The following PCGF5 variants were observed in gnomAD, a reference collection of about 807,000 sequenced individuals.
The protein encoded by PCGF5 is polycomb group RING finger protein 5.
In PCGF5, 9 loss-of-function variants were observed where a neutral mutation model predicts 44.3. That is an observed-to-expected ratio of 0.20 (90% CI 0.12 to 0.35). PCGF5 has a LOEUF of 0.35. Among genes scored for constraint, PCGF5 ranks in the 10% least tolerant of loss-of-function variants. The pLI, the probability that PCGF5 is intolerant of heterozygous loss-of-function variation, is 1.00. For missense variants in PCGF5, 146 were observed against 305.3 expected (o/e 0.48, Z 3.89); for synonymous variants, 95 against 102.5 (o/e 0.93, Z 0.44).
chr10:91,260,755 A>G (rs1364042580), intron 6 of PCGF5, among the ~76,000 whole-genome samples: 1 of 147,804 alleles, frequency 6.8e-6, no homozygotes, highest in Non-Finnish European at 1.5e-5. Flanking sequence ...GTGGGAATTG[A>G]ACAATGAGAA....
At chr10:91,188,410 A>G (rs752069926) in intron 1 of PCGF5, among the ~76,000 whole-genome samples, 2 of 152,218 alleles carry the variant, frequency 1.3e-5, no homozygotes, top group Non-Finnish European at 2.9e-5. Flanking sequence ...TTATTATTAC[A>G]ATGAAGACCC....
At chr10:91,264,552 A>G (rs1201097355) in intron 8 of PCGF5, 32 bp downstream of exon 8, 1 of 1,442,614 alleles carries the variant, frequency 6.9e-7, no homozygotes. Flanking sequence ...CTATGTGTTT[A>G]TTTAGTTATA....
At chr10:91,239,220 G>T (rs1449619797) in intron 2 of PCGF5, among the ~76,000 whole-genome samples, 1 of 152,078 alleles carries the variant, frequency 6.6e-6, no homozygotes, top group Non-Finnish European at 1.5e-5. Context: ...ATAAGAATTT[G>T]GGCTTTGTTT....
upstream of PCGF5, among the ~76,000 whole-genome samples, chr10:91,161,014 C>G (rs771964594): frequency 6.6e-6 from 1 of 152,208 alleles, no homozygotes; most frequent in Non-Finnish European, 1.5e-5. Context: ...CTGCTTTCCA[C>G]CACTGGGTGG....
intron 1 of PCGF5, among the ~76,000 whole-genome samples, chr10:91,168,963 G>T (rs544509689): frequency 6.9e-6 from 1 of 144,256 alleles, no homozygotes; most frequent in East Asian, 2.0e-4. Context: ...AAAAAAGAAG[G>T]CTTGATAACA....
chr10:91,266,604 A>G (rs1039691108), intron 8 of PCGF5, among the ~76,000 whole-genome samples: 15 of 152,192 alleles, frequency 9.9e-5, no homozygotes, highest in African/African-American at 3.6e-4. Context: ...GTAAAGTAAT[A>G]TATTAGCCCA....
Position 91,281,203 on chromosome 10 carries a change from A to G in PCGF5, c.*2887A>G, listed in dbSNP as rs1846444368. On this transcript the variant is annotated 3_prime_UTR_variant, in exon 10 of 10. Transcript: ENST00000336126. ...AACTAAAATGCTCATTGATGAGGTA[A>G]TACTCAGTCTGGAGTACAGGTAACT... The G allele has an allele frequency of 6.6e-6, 1 of 152,470 alleles. No homozygotes were observed. Among genetic ancestry groups the G allele is most frequent in the Admixed American group, 6.5e-5 (1 of 15,284 alleles). 9.4% of individuals were successfully genotyped at this position (152,470 alleles called of 1,614,324 possible). A position where few individuals can be genotyped will look rare whatever the true frequency, so the allele number is the denominator to read the frequency against.
chr10:91,246,954 GATGGATAGATGGATAGATA>G (rs1193007819), intron 3 of PCGF5, among the ~76,000 whole-genome samples: 1 of 117,022 alleles, frequency 8.5e-6, no homozygotes, highest in Non-Finnish European at 1.8e-5. Flanking sequence ...CAGATAGATA[GATGGATAGATGGATAGATA>G]GATAGATAGA....
intron 1 of PCGF5, among the ~76,000 whole-genome samples, chr10:91,182,797 G>C (rs1843845664): frequency 1.3e-5 from 2 of 152,094 alleles, no homozygotes; most frequent in African/African-American, 4.8e-5. Flanking sequence ...TTCATTATTT[G>C]AGATTCTGGT....
intron 2 of PCGF5, among the ~76,000 whole-genome samples, chr10:91,240,088 A>G (rs1243891154): frequency 6.6e-6 from 1 of 152,204 alleles, no homozygotes; most frequent in African/African-American, 2.4e-5. Context: ...TGAGTTATTT[A>G]TGTTGCATTT....
chr10:91,181,675 G>T (rs574151592), intron 1 of PCGF5, among the ~76,000 whole-genome samples: 1 of 152,322 alleles, frequency 6.6e-6, no homozygotes, highest in South Asian at 2.1e-4. Context: ...TACACTTACT[G>T]ATTTGTGTAT....
At chr10:91,227,794 T>G (rs1334656810) in intron 2 of PCGF5, 1 of 990,262 alleles carries the variant, frequency 1.0e-6, no homozygotes, top group Non-Finnish European at 1.2e-6. Flanking sequence ...ATACAAATAC[T>G]TGGTTCAACT....
chr10:91,238,625 T>TCTTTCTTTCTTTC (rs1564645087), intron 2 of PCGF5, among the ~76,000 whole-genome samples: 1 of 123,308 alleles, frequency 8.1e-6, no homozygotes, highest in African/African-American at 3.4e-5. Context: ...TTTTTTTTTT[T>TCTTTCTTTCTTTC]TTTTTTGCCT....
chr10:91,224,409 C>T (rs1381987953), intron 2 of PCGF5, among the ~76,000 whole-genome samples: 2 of 152,064 alleles, frequency 1.3e-5, no homozygotes, highest in Non-Finnish European at 1.5e-5. Flanking sequence ...GTGTCAGGCA[C>T]TGTGCTGGGG....
intron 1 of PCGF5, among the ~76,000 whole-genome samples, chr10:91,202,452 T>C (rs112393392): frequency 5.3e-5 from 8 of 152,322 alleles, no homozygotes; most frequent in African/African-American, 1.9e-4. Context: ...AGGCAAATAA[T>C]ACAAAGTAGT....
At chr10:91,179,485 C>A (rs1843779724) in intron 1 of PCGF5, among the ~76,000 whole-genome samples, 1 of 152,128 alleles carries the variant, frequency 6.6e-6, no homozygotes, top group Non-Finnish European at 1.5e-5. Context: ...TTCTCCTGAT[C>A]CTCTCTCTAC....
rs932890858 is a variant in PCGF5 at position 91,202,835 on chromosome 10, T to C, written c.-183-19854T>C. 7.8e-4 allele frequency among the ~76,000 whole-genome samples: 119 copies of C among 152,240 alleles called. 1 individual carries two copies. The highest frequency in any genetic ancestry group is 2.7e-3 in the African/African-American group (110 of 41,460). On this transcript the variant is annotated intron_variant, in intron 1 of 9. Transcript: ENST00000614189. ...CAAACTGTGACTCAACTTTTAGATGTATTTATGTTGAAGGAGTTAGATCAT... is the reference window on the plus strand; with the variant it reads ...CAAACTGTGACTCAACTTTTAGATGCATTTATGTTGAAGGAGTTAGATCAT...
intron 1 of PCGF5, among the ~76,000 whole-genome samples, chr10:91,221,838 A>G (rs917328417): frequency 6.6e-6 from 1 of 152,250 alleles, no homozygotes; most frequent in African/African-American, 2.4e-5. Flanking sequence ...TAAAGAATGA[A>G]CGTAACTATA....
chr10:91,214,902 T>C (rs1012259940), intron 1 of PCGF5, among the ~76,000 whole-genome samples: 5 of 152,266 alleles, frequency 3.3e-5, no homozygotes, highest in African/African-American at 4.8e-5. Context: ...TTTATGCTTA[T>C]AAGTTCAGGT....
Sources: gnomAD v4.1 joint callset for allele counts (sites outside exome capture counted in the v4.1 genomes callset) on GRCh38, gnomAD v4.1.1 for gene constraint, MANE v1.5 for transcripts, NCBI Gene and HGNC (gene_info 2026-07-23, HGNC 2026-07-21) for gene names.